The following SLC16A12 variants were observed in gnomAD, a reference collection of about 807,000 sequenced individuals.
The protein encoded by SLC16A12 is solute carrier family 16 member 12, also known as monocarboxylate transporter 12.
In SLC16A12, 17 loss-of-function variants were observed where a neutral mutation model predicts 42.4. That is an observed-to-expected ratio of 0.40 (90% confidence interval 0.27 to 0.60). The LOEUF is 0.60. Ranked by LOEUF, SLC16A12 falls within the 20% of genes least tolerant of loss-of-function variation. The pLI, the probability that SLC16A12 is intolerant of heterozygous loss-of-function variation, is 0.42. For synonymous variants in SLC16A12, 224 were observed against 229.4 expected (o/e 0.98, Z 0.21); for missense variants, 544 against 623.0 (o/e 0.87, Z 1.35).
At chr10:89,538,717 A>C (rs1167635553), upstream of SLC16A12, among the ~76,000 whole-genome samples, 1 of 152,242 alleles carries the variant, frequency 6.6e-6, no homozygotes, top group African/African-American at 2.4e-5. Context: ...AATGCCTTGC[A>C]TATTATACAT....
intron 2 of SLC16A12, among the ~76,000 whole-genome samples, chr10:89,491,649 G>T (rs1241272038): frequency 6.6e-6 from 1 of 151,982 alleles, no homozygotes; most frequent in Non-Finnish European, 1.5e-5. Context: ...GGTAAGAATT[G>T]ACATTAAAAC....
chr10:89,459,538 A>G (rs11203137), intron 3 of SLC16A12, among the ~76,000 whole-genome samples: 1,533 of 90,070 alleles, frequency 0.017, 12 homozygotes, highest in African/African-American at 0.022. Context: ...GTGTGTGTGT[A>G]TGTGTGTGTG....
At chr10:89,501,443 T>G (rs1370158661) in intron 2 of SLC16A12, among the ~76,000 whole-genome samples, 1 of 152,152 alleles carries the variant, frequency 6.6e-6, no homozygotes, top group Non-Finnish European at 1.5e-5. Flanking sequence ...ATGGTACTAG[T>G]ATAAAAGCAG....
intron 3 of SLC16A12, among the ~76,000 whole-genome samples, chr10:89,451,870 G>A (rs770047419): frequency 2.6e-5 from 4 of 152,142 alleles, no homozygotes; most frequent in Non-Finnish European, 4.4e-5. Flanking sequence ...CACGATTTGA[G>A]AGAGTTCAGT....
At chr10:89,500,849 A>G (rs1167098965) in intron 2 of SLC16A12, among the ~76,000 whole-genome samples, 1 of 152,138 alleles carries the variant, frequency 6.6e-6, no homozygotes, top group Admixed American at 6.5e-5. Flanking sequence ...AAGAAGTCAA[A>G]CTGTCACTGT....
chr10:89,502,216 C>T lies in SLC16A12; in HGVS notation c.-47+32285G>A, dbSNP rs1423946510. On this transcript the variant is annotated intron_variant, in intron 2 of 7. Coordinates refer to ENST00000371790, the MANE Select transcript of SLC16A12 (RefSeq NM_213606.4). ...CTATAATCCCAGCACTTTGTGAAGC[C>T]AAGGTGGGCAGATCATGAGGTCAGG... is the stretch of plus-strand genomic sequence containing the variant. 1.3e-5 allele frequency among the ~76,000 whole-genome samples: 2 copies of T among 151,966 alleles called. 1 individual carries two copies. The highest frequency in any genetic ancestry group is 2.9e-5 in the Non-Finnish European group (2 of 67,986).
chr10:89,518,301 C>T (rs1304980764), intron 2 of SLC16A12, among the ~76,000 whole-genome samples: 3 of 152,192 alleles, frequency 2.0e-5, no homozygotes, highest in Non-Finnish European at 4.4e-5. Context: ...CTCTCTGTTG[C>T]TGTTAAACTT....
At chr10:89,473,403 A>G (rs1842530784) in intron 2 of SLC16A12, among the ~76,000 whole-genome samples, 1 of 152,322 alleles carries the variant, frequency 6.6e-6, no homozygotes, top group East Asian at 1.9e-4. Context: ...CTCCATTTAT[A>G]CCAAACCTAT....
intron 2 of SLC16A12, among the ~76,000 whole-genome samples, chr10:89,515,100 GAAGCA>G (rs140814747): frequency 0.082 from 9,987 of 122,438 alleles, 469 homozygotes; most frequent in African/African-American, 0.16. Flanking sequence ...TCAAAAAAAA[GAAGCA>G]AAACAAAACA....
intron 3 of SLC16A12, among the ~76,000 whole-genome samples, chr10:89,446,212 A>G (rs762349260): frequency 6.6e-6 from 1 of 152,228 alleles, no homozygotes; most frequent in Non-Finnish European, 1.5e-5. Context: ...AACTTCCCCA[A>G]TCTAGTGAGG....
intron 3 of SLC16A12, 130 bp downstream of exon 3, chr10:89,462,249 G>T: frequency 1.5e-6 from 2 of 1,298,848 alleles, no homozygotes; most frequent in East Asian, 2.5e-5. Context: ...AAGAGTCAAC[G>T]GAAATACACA....
At chr10:89,455,249 T>A (rs1019489019) in intron 3 of SLC16A12, among the ~76,000 whole-genome samples, 1 of 151,714 alleles carries the variant, frequency 6.6e-6, no homozygotes, top group Middle Eastern at 3.2e-3. Flanking sequence ...CAGATGATGA[T>A]ATTTTCAAAT....
chr10:89,508,231 T>G (rs1455709836), intron 2 of SLC16A12, among the ~76,000 whole-genome samples: 1 of 152,194 alleles, frequency 6.6e-6, no homozygotes, highest in Admixed American at 6.5e-5. Context: ...GTGGACTTAA[T>G]AGACATCTAC....
At chr10:89,460,912 T>C (rs1842288648) in intron 3 of SLC16A12, among the ~76,000 whole-genome samples, 1 of 152,206 alleles carries the variant, frequency 6.6e-6, no homozygotes, top group African/African-American at 2.4e-5. Flanking sequence ...CTGTAGTTTA[T>C]TATGATACAC....
At chr10:89,491,004 T>C (rs970883269) in intron 2 of SLC16A12, among the ~76,000 whole-genome samples, 1 of 152,202 alleles carries the variant, frequency 6.6e-6, no homozygotes, top group East Asian at 1.9e-4. Context: ...TAACAAAAGA[T>C]GCCCCTATCA....
chr10:89,523,103 T>G (rs1256923541), intron 2 of SLC16A12, among the ~76,000 whole-genome samples: 3 of 152,244 alleles, frequency 2.0e-5, no homozygotes, highest in African/African-American at 4.8e-5. Context: ...TTCTGTATTT[T>G]GAACCTAGAC....
At chr10:89,546,439 A>G (rs1009121752) in intron 2 of SLC16A12, among the ~76,000 whole-genome samples, 1 of 152,238 alleles carries the variant, frequency 6.6e-6, no homozygotes, top group Non-Finnish European at 1.5e-5. Flanking sequence ...AAAAAGCTCA[A>G]CATCACTGAT....
chr10:89,431,154 C>G lies in SLC16A12; in HGVS notation c.*1910G>C, dbSNP rs561349797. The G allele has an allele frequency of 6.0e-6, 1 of 168,024 alleles. No homozygotes were observed. The highest frequency in any genetic ancestry group is 2.4e-5 in the African/African-American group (1 of 41,514). The allele number at this position is 168,024 out of a possible 1,614,324, so 10.4% of individuals were successfully genotyped here. A position where few individuals can be genotyped will look rare whatever the true frequency, so the allele number is the denominator to read the frequency against. On this transcript the variant is annotated 3_prime_UTR_variant, in exon 8 of 8. Transcript: ENST00000371790. ...CTGGGACTACAGGCGCCCGCCACCACGCCTGGCTAATTTTTTGCATTTTTA... is the reference window on the plus strand; with the variant it reads ...CTGGGACTACAGGCGCCCGCCACCAGGCCTGGCTAATTTTTTGCATTTTTA...
chr10:89,510,059 T>C (rs889579491), intron 2 of SLC16A12, among the ~76,000 whole-genome samples: 6 of 152,030 alleles, frequency 3.9e-5, no homozygotes, highest in African/African-American at 1.4e-4. Flanking sequence ...CAAGGAGAAC[T>C]ACAAACTGCT....
Sources: allele counts gnomAD v4.1 joint callset (sites outside exome capture counted in the v4.1 genomes callset), GRCh38; gene constraint gnomAD v4.1.1; transcripts MANE v1.5; gene names NCBI Gene and HGNC (gene_info 2026-07-23, HGNC 2026-07-21).